Variants in ZIM2 observed in about 807,000 individuals in gnomAD.
ZIM2 encodes the protein zinc finger protein 656.
ZIM2 carries 14 observed loss-of-function variants against 38.6 expected under a neutral mutation model. That is an observed-to-expected ratio of 0.36 (90% CI 0.24 to 0.57). ZIM2 has a LOEUF of 0.57. Among genes scored for constraint, ZIM2 ranks in the 20% least tolerant of loss-of-function variants. The pLI is 0.81. For missense variants in ZIM2, 680 were observed against 695.1 expected (o/e 0.98, Z 0.24); for synonymous variants, 247 against 245.8 (o/e 1.00, Z -0.04).
At chr19:56,821,096 C>T (rs1053422390) in intron 7 of ZIM2, among the ~76,000 whole-genome samples, 2 of 152,242 alleles carry the variant, frequency 1.3e-5, no homozygotes, top group African/African-American at 2.4e-5. Flanking sequence ...GGTGTGCCTA[C>T]CATGTGCCAG....
intron 9 of ZIM2, chr19:56,811,514 T>C (rs181845486): frequency 6.1e-6 from 6 of 985,210 alleles, no homozygotes; most frequent in Admixed American, 6.1e-5. Flanking sequence ...ATTCTCTTGT[T>C]TACCATTTGT....
At chr19:56,808,086 T>C (rs1251265994) in intron 9 of ZIM2, among the ~76,000 whole-genome samples, 1 of 152,124 alleles carries the variant, frequency 6.6e-6, no homozygotes, top group African/African-American at 2.4e-5. Context: ...AAAATTCAAA[T>C]TCTTGGGTGA....
At chr19:56,812,242 C>T (rs939118447) in intron 9 of ZIM2, 1 of 977,728 alleles carries the variant, frequency 1.0e-6, no homozygotes, top group Non-Finnish European at 1.2e-6. Context: ...CAGAATAGGA[C>T]ACAAGAAACC....
chr19:56,814,462 C>G lies in ZIM2; in HGVS notation c.490+3284G>C. 6.2e-7 allele frequency: 1 copy of G among 1,613,882 alleles called. No individual in the cohort carries two copies. Among genetic ancestry groups the G allele is most frequent in the South Asian group, 1.1e-5 (1 of 91,076 alleles). ...CTTGCATTCATAGAATGGTATAGCT[C>G]CTTTGAGGGGCTCAGTAAGAAATGA... On this transcript the variant is annotated intron_variant, in intron 9 of 12. Coordinates refer to ENST00000629319, the MANE Select transcript of ZIM2 (RefSeq NM_001387356.1). This position sits in a 1 kb window ranked among gnomAD's most constrained non-coding sequence, Gnocchi z 5.8.
intron 1 of ZIM2, among the ~76,000 whole-genome samples, chr19:56,839,074 T>C (rs1294189725): frequency 2.1e-5 from 3 of 145,228 alleles, no homozygotes; most frequent in African/African-American, 7.8e-5. Context: ...GGGCCTTGTC[T>C]CGCCCAACCA....
Position 56,814,306 on chromosome 19 carries a change from T to G in ZIM2, c.490+3440A>C, listed in dbSNP as rs1323966447. The G allele has an allele frequency of 9.9e-6, 16 of 1,614,040 alleles. No homozygotes were observed. The highest frequency in any genetic ancestry group is 1.7e-6 in the Non-Finnish European group (2 of 1,180,046). On this transcript the variant is annotated intron_variant, in intron 9 of 12. Transcript: ENST00000629319. The surrounding 1 kb of genome is among the most constrained non-coding windows in gnomAD (Gnocchi z 5.8). ...AATCCTCAGAACTACTTGTGGAACA[T>G]GGACATTGGCTTCAACTTCCTGGGC...
intron 9 of ZIM2, chr19:56,811,626 A>G: frequency 1.0e-6 from 1 of 984,530 alleles, no homozygotes; most frequent in African/African-American, 1.8e-5. Context: ...AACACCAAGT[A>G]ATGTACCCAC....
At chr19:56,821,871 T>G in intron 6 of ZIM2, 117 bp from the exon 7 acceptor site, 1 of 1,074,848 alleles carries the variant, frequency 9.3e-7, no homozygotes, top group South Asian at 1.3e-5. Flanking sequence ...GCAAGTGCCT[T>G]TCTCTTCTCT....
At chr19:56,837,263 C>T (rs933698461) in intron 1 of ZIM2, among the ~76,000 whole-genome samples, 68 of 151,934 alleles carry the variant, frequency 4.5e-4, no homozygotes, top group African/African-American at 1.6e-3. Flanking sequence ...TTAAACACAC[C>T]CCCACCTGCC....
chr19:56,822,149 T>C (rs1425713738), intron 6 of ZIM2, among the ~76,000 whole-genome samples: 2 of 152,240 alleles, frequency 1.3e-5, no homozygotes, highest in African/African-American at 4.8e-5. Context: ...CAATGCCTAT[T>C]GTGTTGTGAA....
At chr19:56,798,732 C>A (rs1018667019) in intron 9 of ZIM2, 23 of 151,902 alleles carry the variant, frequency 1.5e-4, no homozygotes, top group African/African-American at 5.1e-4. Context: ...GTCTAATATT[C>A]AGCATCTACA....
At chr19:56,821,827 A>C in intron 6 of ZIM2, 73 bp from the exon 7 acceptor site, 1 of 1,522,404 alleles carries the variant, frequency 6.6e-7, no homozygotes, top group South Asian at 1.1e-5. Context: ...GTCCCACTCA[A>C]CTATGAAGCC....
At chr19:56,817,103 A>C (rs1327454185) in intron 9 of ZIM2, 1 of 1,614,092 alleles carries the variant, frequency 6.2e-7, no homozygotes, top group African/African-American at 1.3e-5. Flanking sequence ...ATTGCCCCAA[A>C]ATCAATTGGC....
chr19:56,775,938 A>G (rs1254758089), intron 12 of ZIM2, among the ~76,000 whole-genome samples: 2 of 151,916 alleles, frequency 1.3e-5, no homozygotes, highest in Non-Finnish European at 2.9e-5. Flanking sequence ...TGTCTCTACT[A>G]AAAATACAAA....
At position 56,821,525 on chromosome 19, in the gene ZIM2, G is replaced by A. The variant is rs1002286660; in HGVS notation, c.294+126C>T. On this transcript the variant is annotated intron_variant, in intron 7 of 12. Transcript: ENST00000629319. ...AAGGGATGGGCCCGGGCTCCTCCTG[G>A]AGCGCTGGGACTCTCACCCCAGCTG... 5 of 1,159,592 alleles carry A rather than the reference G, an allele frequency of 4.3e-6. No homozygotes were observed. In the East Asian group the frequency reaches 1.2e-4, roughly 27 times the overall value. 71.8% of individuals were successfully genotyped at this position (1,159,592 alleles called of 1,614,324 possible). A position where few individuals can be genotyped will look rare whatever the true frequency, so the allele number is the denominator to read the frequency against.
At chr19:56,797,802 G>C (rs2047308107) in intron 9 of ZIM2, among the ~76,000 whole-genome samples, 1 of 152,134 alleles carries the variant, frequency 6.6e-6, no homozygotes, top group African/African-American at 2.4e-5. Context: ...ACCTATGGGA[G>C]ACTACCTGAG....
rs149726269 is a variant in ZIM2, at chr19:56,815,384, C to T, written c.490+2362G>A. Reference sequence around the variant, plus strand: ...TGCTCTTTAGCATACTGCTCTTGGGCGTAACTTGTTTGAGGGTCAGTAGGG... The same window carrying T: ...TGCTCTTTAGCATACTGCTCTTGGGTGTAACTTGTTTGAGGGTCAGTAGGG... On this transcript the variant is annotated intron_variant, in intron 9 of 12. Coordinates refer to ENST00000629319, the MANE Select transcript of ZIM2 (RefSeq NM_001387356.1). 5.6e-4 allele frequency: 899 copies of T among 1,614,144 alleles called. 5 individuals carry two copies. In the African/African-American group the frequency reaches 9.2e-3, roughly 16 times the overall value.
Position 56,818,662 on chromosome 19 carries a change from T to C in ZIM2, c.335A>G (p.Asp112Gly). 1.2e-6 allele frequency: 2 copies of C among 1,614,150 alleles called. No individual in the cohort carries two copies. The highest frequency in any genetic ancestry group is 2.2e-5 in the East Asian group (1 of 44,866). The change falls in exon 8 of 13, where the codon GAC becomes GGC. Residue 112 changes from aspartate (D) to glycine (G), a missense_variant. Physicochemically the swap from Asp to Gly is moderately conservative, Grantham distance 94. Coordinates refer to ENST00000629319, the MANE Select transcript of ZIM2 (RefSeq NM_001387356.1). ...CTGGATTGTGTTGTGAGGTTTCCTG[T>C]CCTCAGCGAGGTCCACCACATTTTG... ...SYQNVVDLAE[D>G]RKPHNTIQDN...
intron 4 of ZIM2, 104 bp from the exon 5 acceptor site, chr19:56,823,783 G>A (rs2060741195): frequency 7.6e-7 from 1 of 1,312,266 alleles, no homozygotes; most frequent in East Asian, 2.3e-5. Context: ...ACACATGGTT[G>A]GAATGACCTG....
Sources: allele counts gnomAD v4.1 joint callset (sites outside exome capture counted in the v4.1 genomes callset), GRCh38; gene constraint gnomAD v4.1.1; non-coding constraint Gnocchi (gnomAD v3.1); transcripts MANE v1.5; gene names NCBI Gene and HGNC (gene_info 2026-07-23, HGNC 2026-07-21).